CACNA1B: variants seen among roughly 807,000 people sequenced by gnomAD.
CACNA1B encodes voltage-dependent N-type calcium channel subunit alpha-1B.
CACNA1B carries 70 observed loss-of-function variants against 247.2 expected under a neutral mutation model. The ratio of observed to expected loss-of-function variants is 0.28; its 90% CI spans 0.23 to 0.35. The LOEUF is 0.35. Among genes scored for constraint, CACNA1B ranks in the 10% least tolerant of loss-of-function variants. CACNA1B has a pLI of 1.00. For missense variants in CACNA1B, 2,367 were observed against 3,197.4 expected (o/e 0.74, Z 6.26); for synonymous variants, 1,231 against 1,294.4 (o/e 0.95, Z 1.05).
chr9:137,998,511 G>T (rs978628055), intron 15 of CACNA1B, among the ~76,000 whole-genome samples: 5 of 152,182 alleles, frequency 3.3e-5, no homozygotes, highest in African/African-American at 1.2e-4. Flanking sequence ...GAACCTGGGA[G>T]GCAGAGGTTG....
chr9:137,967,439 C>T (rs1346385235), intron 10 of CACNA1B, among the ~76,000 whole-genome samples: 1 of 152,228 alleles, frequency 6.6e-6, no homozygotes, highest in Non-Finnish European at 1.5e-5. Flanking sequence ...CCTCAGCTAT[C>T]ATTCCCGTGG....
At chr9:137,938,199 C>A (rs1252361294) in intron 6 of CACNA1B, among the ~76,000 whole-genome samples, 1 of 151,918 alleles carries the variant, frequency 6.6e-6, no homozygotes, top group Non-Finnish European at 1.5e-5. Flanking sequence ...TTTTTTCAGA[C>A]AAACAAATGC....
intron 15 of CACNA1B, among the ~76,000 whole-genome samples, chr9:137,992,485 A>G (rs1274076514): frequency 6.6e-6 from 1 of 152,244 alleles, no homozygotes; most frequent in African/African-American, 2.4e-5. Context: ...CAACACAGTA[A>G]TAGCGGGGGA....
rs201756802 is a variant in CACNA1B, at chr9:138,058,261, G to A, written c.4308+11G>A. 3 of 1,602,674 alleles carry A rather than the reference G, an allele frequency of 1.9e-6. No individual in the cohort carries two copies. The highest frequency in any genetic ancestry group is 1.3e-5 in the African/African-American group (1 of 74,634). ...CTGGAGAAGAACGAGGTAGGTGGAC[G>A]CTCTGTGGAGTCTTGCAGTGGACAG... On this transcript the variant is annotated intron_variant, in intron 28 of 46. Transcript: ENST00000371372. The surrounding 1 kb of genome is among the most constrained non-coding windows in gnomAD (Gnocchi z 4.7).
At chr9:138,074,456 G>T (rs1190421530) in intron 34 of CACNA1B, among the ~76,000 whole-genome samples, 1 of 152,184 alleles carries the variant, frequency 6.6e-6, no homozygotes, top group Non-Finnish European at 1.5e-5. Flanking sequence ...GGCCAGGCTG[G>T]TATTGAACTC....
rs748638086 is a variant in CACNA1B, at chr9:138,102,633, C to T, written c.5223-78C>T. The stretch of plus-strand genomic sequence containing the variant: ...TCCTCCCTGCCCCTACCCCGCTCCC[C>T]TCCCCGCTCCCCTCCTGCTGCCGCT... On this transcript the variant is annotated intron_variant, in intron 37 of 46. Transcript: ENST00000371372. This position sits in a 1 kb window ranked among gnomAD's most constrained non-coding sequence, Gnocchi z 5.4. 5.6e-5 allele frequency: 39 copies of T among 693,448 alleles called. No individual in the cohort carries two copies. Among genetic ancestry groups the T allele is most frequent in the Admixed American group, 1.5e-4 (6 of 40,292 alleles). The allele number at this position is 693,448 out of a possible 1,614,324, so 43.0% of individuals were successfully genotyped here.
intron 10 of CACNA1B, among the ~76,000 whole-genome samples, chr9:137,962,428 T>C (rs1389624980): frequency 6.6e-6 from 1 of 152,112 alleles, no homozygotes; most frequent in African/African-American, 2.4e-5. Flanking sequence ...TGTTTTCTGC[T>C]AGCTTTGGGG....
At chr9:138,008,288 A>G (rs1014308069) in intron 16 of CACNA1B, among the ~76,000 whole-genome samples, 1 of 152,230 alleles carries the variant, frequency 6.6e-6, no homozygotes, top group Non-Finnish European at 1.5e-5. Context: ...GGTTCACCAC[A>G]GCTGAGTCTG....
chr9:138,011,066 A>C lies in CACNA1B; in HGVS notation c.2160+989A>C, dbSNP rs1453679542. Among the ~76,000 whole-genome samples, 2 of 152,154 alleles carry C rather than the reference A, an allele frequency of 1.3e-5. No individual in the cohort carries two copies. The highest frequency in any genetic ancestry group is 2.9e-5 in the Non-Finnish European group (2 of 68,038). ...TCAGCCTTCTTACTCCCACGCCTCC[A>C]GACCTGGGCCATGGCCATGCCTATG... On this transcript the variant is annotated intron_variant, in intron 17 of 46. Transcript: ENST00000371372. This position sits in a 1 kb window ranked among gnomAD's most constrained non-coding sequence, Gnocchi z 4.2.
chr9:138,109,597 T>C (rs568076920), intron 39 of CACNA1B, among the ~76,000 whole-genome samples: 1 of 152,318 alleles, frequency 6.6e-6, no homozygotes, highest in East Asian at 1.9e-4. Context: ...CTCCTTGAAC[T>C]GATCACCTCC....
chr9:137,939,223 A>G (rs1384949546), intron 6 of CACNA1B, among the ~76,000 whole-genome samples: 1 of 152,208 alleles, frequency 6.6e-6, no homozygotes, highest in African/African-American at 2.4e-5. Flanking sequence ...AATGGACTTA[A>G]CAGGTATTTA....
In CACNA1B at chr9:137,883,095, C is replaced by T. The variant is rs71510859; in HGVS notation, c.530+212C>T. ...AGGGGTGCCAGTGCTGTATTTCTCGCTGACGGATCACAGTGACCTGTCCCC... is the reference window on the plus strand; with the variant it reads ...AGGGGTGCCAGTGCTGTATTTCTCGTTGACGGATCACAGTGACCTGTCCCC... On this transcript the variant is annotated intron_variant, in intron 3 of 46. Transcript: ENST00000371372. 0.15 allele frequency: 90,747 copies of T among 588,626 alleles called. 7,673 individuals are homozygous for T. Among genetic ancestry groups the T allele is most frequent in the Admixed American group, 0.18 (6,048 of 33,866 alleles). The allele number at this position is 588,626 out of a possible 1,614,324, so 36.5% of individuals were successfully genotyped here. A position where few individuals can be genotyped will look rare whatever the true frequency, so the allele number is the denominator to read the frequency against.
chr9:137,922,852 T>G (rs760463053), intron 6 of CACNA1B, among the ~76,000 whole-genome samples: 1 of 152,176 alleles, frequency 6.6e-6, no homozygotes, highest in African/African-American at 2.4e-5. Flanking sequence ...GTATCAATGA[T>G]GTTGACACAG....
rs1958876588 is a variant in CACNA1B, at chr9:138,023,462, G to A, written c.2719G>A (p.Gly907Ser). 2.5e-6 allele frequency: 3 copies of A among 1,201,294 alleles called. No individual in the cohort carries two copies. Among genetic ancestry groups the A allele is most frequent in the African/African-American group, 1.6e-5 (1 of 62,628 alleles). The allele number at this position is 1,201,294 out of a possible 1,614,324, so 74.4% of individuals were successfully genotyped here. Reference protein sequence around the residue: ...AGPPEARSERGRGPGPEGGRR... With the variant: ...AGPPEARSERSRGPGPEGGRR... ...GCCCCCGGAGGCGCGGAGCGAGCGCGGCCGAGGCCCAGGCCCCGAGGGCGG... is the reference window on the plus strand; with the variant it reads ...GCCCCCGGAGGCGCGGAGCGAGCGCAGCCGAGGCCCAGGCCCCGAGGGCGG... Residue 907 changes from glycine (G) to serine (S), a missense_variant, in exon 19 of 47, where the codon GGC becomes AGC. Gly to Ser is a moderately conservative substitution (Grantham distance 56). Around this residue, in one of 12 missense-constraint regions of CACNA1B, gnomAD observed 631 missense variants for 631.1 expected, o/e 1.00. Transcript: ENST00000371372.
At chr9:138,028,950 C>T (rs1958954927) in intron 20 of CACNA1B, among the ~76,000 whole-genome samples, 1 of 152,222 alleles carries the variant, frequency 6.6e-6, no homozygotes, top group South Asian at 2.1e-4. Context: ...AATGTAGGCT[C>T]AGTTAGCCAC....
chr9:137,935,747 C>T (rs1464487295), intron 6 of CACNA1B, among the ~76,000 whole-genome samples: 3 of 152,200 alleles, frequency 2.0e-5, no homozygotes, highest in African/African-American at 4.8e-5. Context: ...TATTGCTCCA[C>T]ATCCTCTCCA....
Position 138,020,039 on chromosome 9 carries a change from G to A in CACNA1B, c.2268-2972G>A, listed in dbSNP as rs1444223414. Reference sequence around the variant, plus strand: ...TTGAACCCGGGAGGCAGAGGTTGCAGTGAGCCGTGATCACACCACTGCACT... The same window carrying A: ...TTGAACCCGGGAGGCAGAGGTTGCAATGAGCCGTGATCACACCACTGCACT... On this transcript the variant is annotated intron_variant, in intron 18 of 46. Coordinates refer to ENST00000371372, the MANE Select transcript of CACNA1B (RefSeq NM_000718.4). The surrounding 1 kb of genome is among the most constrained non-coding windows in gnomAD (Gnocchi z 4.1). 2.7e-5 allele frequency among the ~76,000 whole-genome samples: 4 copies of A among 149,246 alleles called. No homozygotes were observed. Among genetic ancestry groups the A allele is most frequent in the Admixed American group, 6.7e-5 (1 of 14,890 alleles).
rs114022850 is a variant in CACNA1B, at chr9:137,888,133, G to C, written c.530+5250G>C. On this transcript the variant is annotated intron_variant, in intron 3 of 46. Transcript: ENST00000371372. This position sits in a 1 kb window ranked among gnomAD's most constrained non-coding sequence, Gnocchi z 4.7. ...GGAAGGAGAGTGGGAGCCGGAAGCA[G>C]TGATCCAGGTGGGAGTGGTGAGGGT... is the stretch of plus-strand genomic sequence containing the variant. Among the ~76,000 whole-genome samples the C allele has an allele frequency of 8.5e-3, 1,295 of 152,070 alleles. 18 individuals are homozygous for C. The highest frequency in any genetic ancestry group is 0.03 in the African/African-American group (1,251 of 41,468).
In CACNA1B at chr9:137,881,928, CT is replaced by C. The variant is rs1956927579; in HGVS notation, c.391-815del. Among the ~76,000 whole-genome samples, 1 of 152,210 alleles carries C rather than the reference CT, an allele frequency of 6.6e-6. No homozygotes were observed. The highest frequency in any genetic ancestry group is 1.5e-5 in the Non-Finnish European group (1 of 68,038). On this transcript the variant is annotated intron_variant, in intron 2 of 46. Coordinates refer to ENST00000371372, the MANE Select transcript of CACNA1B (RefSeq NM_000718.4). The surrounding 1 kb of genome is among the most constrained non-coding windows in gnomAD (Gnocchi z 4.3). ...CCTGGATCCCTTTCTCAAAATCGAG[CT>C]GTGGAAGCCTTGCCTGCAGGCGCCA...
Sources: gnomAD v4.1 joint callset for allele counts (sites outside exome capture counted in the v4.1 genomes callset) on GRCh38, gnomAD v4.1.1 for gene constraint, gnomAD v4.1.1 regional missense constraint, Gnocchi (gnomAD v3.1) non-coding constraint, MANE v1.5 for transcripts, NCBI Gene and HGNC (gene_info 2026-07-23, HGNC 2026-07-21) for gene names.